IPO11: variants seen among roughly 807,000 people sequenced by gnomAD.
IPO11 encodes the protein importin 11.
In IPO11, 66 loss-of-function variants were observed where a neutral mutation model predicts 143.2. That is an observed-to-expected ratio of 0.46 (90% CI 0.38 to 0.57). The LOEUF is 0.57. Ranked by LOEUF, IPO11 falls within the 20% of genes least tolerant of loss-of-function variation. The pLI is 0.00. For synonymous variants in IPO11, 385 were observed against 377.8 expected (o/e 1.02, Z -0.22); for missense variants, 1,026 against 1,141.0 (o/e 0.90, Z 1.45).
intron 18 of IPO11, among the ~76,000 whole-genome samples, chr5:62,505,657 G>A (rs575324181): frequency 8.5e-4 from 130 of 152,100 alleles, no homozygotes; most frequent in African/African-American, 2.9e-3. Context: ...AGTTTCTAAC[G>A]TAATTTTCAT....
At chr5:62,625,476 G>A (rs1746532773) in intron 29 of IPO11, among the ~76,000 whole-genome samples, 1 of 152,276 alleles carries the variant, frequency 6.6e-6, no homozygotes, top group South Asian at 2.1e-4. Flanking sequence ...TTTATCTGGT[G>A]TTACCCCAGA....
At chr5:62,611,914 T>C (rs547007307) in intron 29 of IPO11, among the ~76,000 whole-genome samples, 1 of 152,254 alleles carries the variant, frequency 6.6e-6, no homozygotes, top group South Asian at 2.1e-4. Context: ...GGAAGAAAAA[T>C]TAAGTAAACT....
intron 20 of IPO11, among the ~76,000 whole-genome samples, chr5:62,523,922 T>G (rs950452006): frequency 1.3e-5 from 2 of 152,106 alleles, no homozygotes; most frequent in Non-Finnish European, 2.9e-5. Context: ...TAAACTTTTC[T>G]TCTGTGGAAA....
At chr5:62,528,054 C>T (rs1273336300) in intron 21 of IPO11, among the ~76,000 whole-genome samples, 2 of 152,084 alleles carry the variant, frequency 1.3e-5, no homozygotes, top group Non-Finnish European at 2.9e-5. Flanking sequence ...GCATTCAATG[C>T]CTGAGGATAA....
At chr5:62,613,469 A>G (rs1332526729) in intron 29 of IPO11, among the ~76,000 whole-genome samples, 1 of 151,500 alleles carries the variant, frequency 6.6e-6, no homozygotes, top group Non-Finnish European at 1.5e-5. Flanking sequence ...CACCTGGCTA[A>G]TTTTCATATT....
intron 25 of IPO11, among the ~76,000 whole-genome samples, 188 bp downstream of exon 25, chr5:62,550,650 CAT>C (rs1005404451): frequency 4.6e-5 from 7 of 152,136 alleles, no homozygotes; most frequent in East Asian, 1.9e-4. Flanking sequence ...TTTTCTTTGA[CAT>C]GTGTCTTTCA....
Position 62,417,321 on chromosome 5 carries a change from ATTTTTT to A in IPO11, c.-7+4413_-7+4418del, listed in dbSNP as rs34767317. Among the ~76,000 whole-genome samples the A allele has an allele frequency of 7.2e-3, 471 of 65,350 alleles. 3 individuals carry two copies. Among genetic ancestry groups the A allele is most frequent in the African/African-American group, 0.027 (431 of 15,728 alleles). The allele number at this position is 65,350 out of a possible 152,430, so 42.9% of individuals were successfully genotyped here. ...ATTTTCTTCACCTCCTTATTGGTTA[ATTTTTT>A]TTTTTTTTTTTTTTTTTTTTGGTAT... On this transcript the variant is annotated intron_variant, in intron 1 of 29. Transcript: ENST00000325324.
chr5:62,588,911 A>G (rs150117998), intron 27 of IPO11, among the ~76,000 whole-genome samples: 4 of 152,320 alleles, frequency 2.6e-5, no homozygotes, highest in East Asian at 1.9e-4. Flanking sequence ...CTTGGCTCCA[A>G]CTGCTTACTC....
At chr5:62,503,746 G>A (rs1053272168) in intron 16 of IPO11, among the ~76,000 whole-genome samples, 7 of 152,024 alleles carry the variant, frequency 4.6e-5, no homozygotes, top group African/African-American at 9.7e-5. Context: ...TAGAATCTGC[G>A]GATTTGGCAG....
intron 20 of IPO11, among the ~76,000 whole-genome samples, chr5:62,518,850 A>G (rs1356105159): frequency 6.6e-6 from 1 of 152,340 alleles, no homozygotes; most frequent in Non-Finnish European, 1.5e-5. Context: ...TACGCTAAAC[A>G]TTTATTGAGA....
chr5:62,523,745 G>T (rs1347236517), intron 20 of IPO11, among the ~76,000 whole-genome samples: 1 of 152,188 alleles, frequency 6.6e-6, no homozygotes, highest in Non-Finnish European at 1.5e-5. Flanking sequence ...ATTAGAAGTT[G>T]AGATAACCTT....
intron 27 of IPO11, among the ~76,000 whole-genome samples, chr5:62,578,363 G>A (rs1744401128): frequency 6.6e-6 from 1 of 151,934 alleles, no homozygotes; most frequent in East Asian, 1.9e-4. Flanking sequence ...AAGGAATAAA[G>A]CATAAAGTTT....
chr5:62,445,564 CCATA>C (rs1744691465), intron 3 of IPO11, among the ~76,000 whole-genome samples: 1 of 151,896 alleles, frequency 6.6e-6, no homozygotes, highest in Admixed American at 6.6e-5. Context: ...CTTCAAGTGC[CCATA>C]CAACCATTCT....
intron 19 of IPO11, among the ~76,000 whole-genome samples, chr5:62,514,603 C>CAGGAGA (rs1741932782): frequency 3.8e-5 from 5 of 132,270 alleles, no homozygotes; most frequent in Admixed American, 1.5e-4. Context: ...GAGAGGGAGA[C>CAGGAGA]GGGAGAGGGA....
At chr5:62,530,145 AC>A (rs1425303581) in intron 21 of IPO11, among the ~76,000 whole-genome samples, 4 of 152,228 alleles carry the variant, frequency 2.6e-5, no homozygotes, top group African/African-American at 9.6e-5. Flanking sequence ...CAACAAAATA[AC>A]TTTTTTACCT....
chr5:62,467,502 C>T (rs889243408), intron 6 of IPO11, among the ~76,000 whole-genome samples: 1 of 152,156 alleles, frequency 6.6e-6, no homozygotes. Flanking sequence ...ATTATTGCGG[C>T]CTCATGGCTC....
At chr5:62,503,351 T>C (rs32046) in intron 16 of IPO11, among the ~76,000 whole-genome samples, 58,704 of 98,514 alleles carry the variant, frequency 0.6, 18,066 homozygotes, top group African/African-American at 0.7. Flanking sequence ...ATAGTATCTA[T>C]TAATATATTA....
intron 16 of IPO11, among the ~76,000 whole-genome samples, chr5:62,504,152 T>C (rs1450443162): frequency 6.6e-6 from 1 of 152,202 alleles, no homozygotes; most frequent in South Asian, 2.1e-4. Context: ...TGTAAACCTT[T>C]CTGTATTTGT....
intron 26 of IPO11, among the ~76,000 whole-genome samples, chr5:62,558,362 A>C (rs1426226595): frequency 6.6e-6 from 1 of 152,364 alleles, no homozygotes; most frequent in Admixed American, 6.5e-5. Flanking sequence ...GAAGTGTTCA[A>C]GAACTACGTA....
Sources: gnomAD v4.1 joint callset for allele counts (sites outside exome capture counted in the v4.1 genomes callset) on GRCh38, gnomAD v4.1.1 for gene constraint, MANE v1.5 for transcripts, NCBI Gene and HGNC (gene_info 2026-07-23, HGNC 2026-07-21) for gene names.